Variants in VAV2 observed in about 807,000 individuals in gnomAD.
VAV2 encodes the protein vav guanine nucleotide exchange factor 2.
VAV2 carries 67 observed loss-of-function variants against 132.5 expected under a neutral mutation model. That is an observed-to-expected ratio of 0.51 (90% confidence interval 0.42 to 0.62). The LOEUF (loss-of-function observed/expected upper bound fraction) is 0.62, where lower values mean the gene tolerates loss of function less well. Among genes scored for constraint, VAV2 ranks in the 20% least tolerant of loss-of-function variants. The pLI, the probability that VAV2 is intolerant of heterozygous loss-of-function variation, is 0.00. For missense variants in VAV2, 938 were observed against 1,153.6 expected, an observed-to-expected ratio of 0.81 and a Z score of 2.71; for synonymous variants, 492 against 443.5, an observed-to-expected ratio of 1.11 and a Z score of -1.37.
At chr9:133,777,294 G>T in intron 23 of VAV2, 95 bp downstream of exon 23, 1 of 1,360,970 alleles carries the variant, frequency 7.3e-7, no homozygotes, top group South Asian at 1.3e-5. Context: ...AGGATGTCCT[G>T]AACAAGCCAA....
At chr9:133,962,133 C>T (rs750798018) in intron 1 of VAV2, among the ~76,000 whole-genome samples, 3 of 152,184 alleles carry the variant, frequency 2.0e-5, no homozygotes, top group Non-Finnish European at 4.4e-5. Flanking sequence ...CCACCCTGCC[C>T]ACCAGCTCCT....
chr9:133,941,178 C>T (rs369608965), intron 1 of VAV2, among the ~76,000 whole-genome samples: 58 of 152,240 alleles, frequency 3.8e-4, no homozygotes, highest in African/African-American at 1.3e-3. Context: ...GAGGCCGAGG[C>T]GGGTAGATCA....
At chr9:133,880,896 C>T (rs1047272865) in intron 2 of VAV2, among the ~76,000 whole-genome samples, 1 of 152,250 alleles carries the variant, frequency 6.6e-6, no homozygotes, top group Non-Finnish European at 1.5e-5. Flanking sequence ...GGACACTGGC[C>T]GTGGCTCAGG....
At position 133,778,845 on chromosome 9, in the gene VAV2, G is replaced by T; in HGVS notation, c.1807C>A (p.Pro603Thr). ...AMQNYHGNPA[P>T]PGKPVLTFQT... ...AAGGTCAGCACAGGCTTCCCGGGAGGGGCTGGGTTGCCATGGTAATTCTGC... is the reference window on the plus strand; with the variant it reads ...AAGGTCAGCACAGGCTTCCCGGGAGTGGCTGGGTTGCCATGGTAATTCTGC... The change falls in exon 22 of 30, where the codon CCT (proline) becomes ACT (threonine). Residue 603 changes from proline to threonine, a missense_variant. Pro to Thr is a conservative substitution (Grantham distance 38). Transcript: ENST00000371850. 1 of 1,612,814 alleles carries T rather than the reference G, an allele frequency of 6.2e-7. No individual in the cohort carries two copies.
intron 1 of VAV2, among the ~76,000 whole-genome samples, chr9:133,940,682 T>C (rs1444550991): frequency 7.8e-6 from 1 of 127,838 alleles, no homozygotes; most frequent in African/African-American, 2.7e-5. Flanking sequence ...CGTGTGTGTG[T>C]GTGTGTGTGT....
At chr9:133,850,264 C>T (rs961968567) in intron 3 of VAV2, among the ~76,000 whole-genome samples, 4 of 152,206 alleles carry the variant, frequency 2.6e-5, no homozygotes, top group Non-Finnish European at 4.4e-5. Context: ...AGGCCCTTAA[C>T]CCTGAGCCTC....
chr9:133,889,935 C>A (rs540023311), intron 2 of VAV2, among the ~76,000 whole-genome samples: 1 of 152,314 alleles, frequency 6.6e-6, no homozygotes, highest in South Asian at 2.1e-4. Context: ...TAATACATGA[C>A]CCCGCAGGGC....
chr9:133,854,293 A>C lies in VAV2; in HGVS notation c.380+7081T>G, dbSNP rs968896346. Reference sequence around the variant, plus strand: ...CACATACCCATATGCACACACACACACCCATGTGCACCTGCACACACACCC... The same window carrying C: ...CACATACCCATATGCACACACACACCCCCATGTGCACCTGCACACACACCC... On this transcript the variant is annotated intron_variant, in intron 3 of 29. Coordinates refer to ENST00000371850, the MANE Select transcript of VAV2 (RefSeq NM_001134398.2). Among the ~76,000 whole-genome samples, 7 of 149,770 alleles carry C rather than the reference A, an allele frequency of 4.7e-5. No individual in the cohort carries two copies. In the East Asian group the frequency reaches 7.9e-4, roughly 17 times the overall value.
chr9:133,887,801 C>T (rs75586111), intron 2 of VAV2, among the ~76,000 whole-genome samples: 2 of 150,638 alleles, frequency 1.3e-5, no homozygotes, highest in Non-Finnish European at 3.0e-5. Context: ...CCATCCCCCG[C>T]CCCCCACCCA....
intron 2 of VAV2, among the ~76,000 whole-genome samples, chr9:133,913,060 A>G (rs1485184636): frequency 2.6e-5 from 4 of 152,032 alleles, no homozygotes; most frequent in Non-Finnish European, 5.9e-5. Flanking sequence ...ACCTCACCTC[A>G]CTTCCAAGAC....
intron 2 of VAV2, among the ~76,000 whole-genome samples, chr9:133,867,980 G>A (rs1837873417): frequency 1.3e-5 from 2 of 152,264 alleles, no homozygotes; most frequent in Non-Finnish European, 2.9e-5. Flanking sequence ...GTCTCGGGAA[G>A]AGTCCCGGCT....
chr9:133,905,646 C>A (rs1488745733), intron 2 of VAV2, among the ~76,000 whole-genome samples: 1 of 152,054 alleles, frequency 6.6e-6, no homozygotes, highest in South Asian at 2.1e-4. Flanking sequence ...CCTCAGGGCC[C>A]TGTGACATCT....
chr9:133,843,716 C>CG (rs1246032052), intron 3 of VAV2, among the ~76,000 whole-genome samples: 1 of 152,138 alleles, frequency 6.6e-6, no homozygotes, highest in African/African-American at 2.4e-5. Flanking sequence ...GCAGGCAGCC[C>CG]GGGCAGGGGG....
chr9:133,808,842 G>A (rs1250566781), intron 7 of VAV2, among the ~76,000 whole-genome samples, 198 bp downstream of exon 7: 1 of 152,208 alleles, frequency 6.6e-6, no homozygotes, highest in Non-Finnish European at 1.5e-5. Context: ...GACTTCAGGG[G>A]CTTCAGAGGA....
At chr9:133,909,888 C>G (rs1316956974) in intron 2 of VAV2, among the ~76,000 whole-genome samples, 1 of 152,184 alleles carries the variant, frequency 6.6e-6, no homozygotes, top group East Asian at 1.9e-4. Flanking sequence ...CACTCACTCT[C>G]TGTCCTTCGC....
At chr9:133,900,055 T>C (rs943779497) in intron 2 of VAV2, among the ~76,000 whole-genome samples, 1 of 149,506 alleles carries the variant, frequency 6.7e-6, no homozygotes, top group African/African-American at 2.5e-5. Context: ...TAAAAATAGC[T>C]GGGCATAGTG....
At chr9:133,774,735 A>AG (rs1021546619) in intron 25 of VAV2, among the ~76,000 whole-genome samples, 200 bp downstream of exon 25, 1 of 152,184 alleles carries the variant, frequency 6.6e-6, no homozygotes, top group African/African-American at 2.4e-5. Context: ...TGTGCATGCC[A>AG]GGGGTTCAGG....
chr9:133,950,338 C>G (rs189649862), intron 1 of VAV2, among the ~76,000 whole-genome samples: 45 of 152,240 alleles, frequency 3.0e-4, no homozygotes, highest in African/African-American at 1.0e-3. Context: ...TCTGCACCCG[C>G]CTCCAGTCCA....
intron 2 of VAV2, among the ~76,000 whole-genome samples, chr9:133,872,602 C>T (rs370553120): frequency 9.5e-4 from 145 of 152,188 alleles, no homozygotes; most frequent in African/African-American, 2.8e-3. Flanking sequence ...AGGGAAGCCC[C>T]GGGGGTCAGA....
Sources: gnomAD v4.1 joint callset for allele counts (sites outside exome capture counted in the v4.1 genomes callset) on GRCh38, gnomAD v4.1.1 for gene constraint, MANE v1.5 for transcripts, NCBI Gene and HGNC (gene_info 2026-07-23, HGNC 2026-07-21) for gene names.